The following NEO1 variants were observed in gnomAD, a reference collection of about 807,000 sequenced individuals.
NEO1 encodes neogenin 1.
A neutral mutation model predicts 159.7 loss-of-function variants in NEO1; 63 were observed. That is an observed-to-expected ratio of 0.39 (90% CI 0.32 to 0.49). NEO1 has a LOEUF of 0.49. NEO1 is among the 20% of genes least tolerant of loss of function. The pLI is 0.85. For synonymous variants in NEO1, 633 were observed against 662.0 expected, an observed-to-expected ratio of 0.96 and a Z score of 0.67; for missense variants, 1,615 against 1,831.0, an observed-to-expected ratio of 0.88 and a Z score of 2.15.
chr15:73,283,176 T>C (rs538279113), intron 23 of NEO1, 65 bp downstream of exon 23: 1 of 1,550,810 alleles, frequency 6.4e-7, no homozygotes, highest in East Asian at 2.2e-5. Flanking sequence ...ATGTGACTTC[T>C]GTATATGGAG....
At chr15:73,153,583 T>C (rs2033548653) in intron 5 of NEO1, among the ~76,000 whole-genome samples, 1 of 152,208 alleles carries the variant, frequency 6.6e-6, no homozygotes, top group African/African-American at 2.4e-5. Context: ...TGTAAGCAAG[T>C]TATATTGGCG....
At chr15:73,202,161 C>G (rs2036937422) in intron 7 of NEO1, among the ~76,000 whole-genome samples, 1 of 151,782 alleles carries the variant, frequency 6.6e-6, no homozygotes, top group Non-Finnish European at 1.5e-5. Context: ...CAGGGTTTCT[C>G]CATGTTGGTC....
intron 7 of NEO1, among the ~76,000 whole-genome samples, chr15:73,180,682 C>T (rs2035554700): frequency 1.3e-5 from 2 of 152,086 alleles, no homozygotes; most frequent in South Asian, 4.2e-4. Flanking sequence ...TAAACTAATC[C>T]TAATTGGGCT....
chr15:73,267,797 A>G (rs1461812385), intron 16 of NEO1, among the ~76,000 whole-genome samples: 2 of 152,116 alleles, frequency 1.3e-5, no homozygotes, highest in Non-Finnish European at 2.9e-5. Flanking sequence ...ATTATTGGAC[A>G]TTTGGGTTGG....
rs756634630 is a variant in NEO1 at position 73,122,689 on chromosome 15, A to G, written c.613A>G (p.Met205Val). 16 of 1,614,212 alleles carry G rather than the reference A, an allele frequency of 9.9e-6. No individual in the cohort carries two copies. In the South Asian group the frequency reaches 1.6e-4, roughly 17 times the overall value. ...DDRVIKLPSG[M>V]LVISNATEGD... Reference sequence around the variant, plus strand: ...TAGAGTTATCAAACTTCCAAGTGGAATGCTGGTTATCAGCAATGCAACTGA... The same window carrying G: ...TAGAGTTATCAAACTTCCAAGTGGAGTGCTGGTTATCAGCAATGCAACTGA... Residue 205 changes from methionine to valine, a missense_variant, in exon 3 of 29, where the codon ATG becomes GTG. Met to Val is a conservative substitution (Grantham distance 21, BLOSUM62 1). Around this residue, in one of 3 missense-constraint regions of NEO1, gnomAD observed 1,018 missense variants for 1,115.4 expected, o/e 0.91. Transcript: ENST00000261908.
At chr15:73,122,098 CATT>C (rs149069545) in intron 2 of NEO1, among the ~76,000 whole-genome samples, 13,747 of 113,520 alleles carry the variant, frequency 0.12, 759 homozygotes, top group South Asian at 0.14. Context: ...TATATATACA[CATT>C]ATATATATTA....
At chr15:73,211,525 GC>G (rs1441423583) in intron 7 of NEO1, among the ~76,000 whole-genome samples, 1 of 152,154 alleles carries the variant, frequency 6.6e-6, no homozygotes, top group African/African-American at 2.4e-5. Context: ...GACCATCCTG[GC>G]CAACATGGTG....
chr15:73,253,545 A>G, intron 12 of NEO1, 96 bp downstream of exon 12: 1 of 766,616 alleles, frequency 1.3e-6, no homozygotes, highest in Non-Finnish European at 2.1e-6. Context: ...AAGCATCAAA[A>G]TAAATGAATG....
At chr15:73,273,474 C>T (rs1375657521) in intron 19 of NEO1, among the ~76,000 whole-genome samples, 2 of 152,134 alleles carry the variant, frequency 1.3e-5, no homozygotes, top group African/African-American at 2.4e-5. Flanking sequence ...CCGGCAACAG[C>T]GCAGTGCCCT....
chr15:73,124,249 A>C (rs28572029), intron 3 of NEO1, among the ~76,000 whole-genome samples: 19,973 of 122,920 alleles, frequency 0.16, 2,023 homozygotes, highest in African/African-American at 0.3. Context: ...TTTTTTTTAG[A>C]GATGGATTTT....
chr15:73,132,488 T>TC (rs1328380236), intron 4 of NEO1, among the ~76,000 whole-genome samples: 1 of 152,142 alleles, frequency 6.6e-6, no homozygotes, highest in Non-Finnish European at 1.5e-5. Context: ...GGCAAAGACT[T>TC]CATGACCCTG....
intron 7 of NEO1, among the ~76,000 whole-genome samples, chr15:73,191,609 C>T (rs1040495890): frequency 2.0e-5 from 3 of 151,170 alleles, no homozygotes; most frequent in Non-Finnish European, 3.0e-5. Context: ...AAAAGCTTAA[C>T]TTTATGAAGC....
intron 5 of NEO1, among the ~76,000 whole-genome samples, chr15:73,171,587 C>T (rs2034966564): frequency 1.3e-5 from 2 of 150,492 alleles, no homozygotes; most frequent in Non-Finnish European, 3.0e-5. Context: ...TGAATACCGA[C>T]TGGGTAATAG....
intron 7 of NEO1, among the ~76,000 whole-genome samples, chr15:73,179,863 G>GTATA (rs200048014): frequency 0.017 from 2,463 of 147,878 alleles, 23 homozygotes; most frequent in African/African-American, 0.031. Context: ...TAAATAATAT[G>GTATA]TATATATATA....
chr15:73,158,208 C>CTTTTTTTTTTTTTTT (rs1047852394), intron 5 of NEO1, among the ~76,000 whole-genome samples: 2 of 82,552 alleles, frequency 2.4e-5, no homozygotes, highest in African/African-American at 4.5e-5. Context: ...GAGTGAGACT[C>CTTTTTTTTTTTTTTT]TTTTTTTTTT....
intron 23 of NEO1, among the ~76,000 whole-genome samples, chr15:73,283,656 C>T (rs1394922433): frequency 6.6e-6 from 1 of 152,178 alleles, no homozygotes; most frequent in East Asian, 1.9e-4. Context: ...TTAGCTCAAC[C>T]TCTGGGGTCA....
intron 5 of NEO1, among the ~76,000 whole-genome samples, chr15:73,140,087 C>T (rs147442309): frequency 6.6e-6 from 1 of 152,114 alleles, no homozygotes; most frequent in South Asian, 2.1e-4. Flanking sequence ...CAGAGAAATG[C>T]AAATAAAAAC....
rs2037165090 is a variant in NEO1, at chr15:73,205,590, AATAGTCC to A, written c.1291+27165_1291+27171del. 2.0e-5 allele frequency among the ~76,000 whole-genome samples: 3 copies of A among 152,104 alleles called. No individual in the cohort carries two copies. The South Asian group carries it at 6.2e-4, about 32-fold the overall frequency. ...GCCCCCAGGATTTTTTCATTCTCAC[AATAGTCC>A]ACACTCAACCTCTAGCAATTTGTAA... On this transcript the variant is annotated intron_variant, in intron 7 of 28. Coordinates refer to ENST00000261908, the MANE Select transcript of NEO1 (RefSeq NM_002499.4).
intron 28 of NEO1, chr15:73,301,664 A>G (rs1195261333): frequency 4.9e-6 from 3 of 610,584 alleles, no homozygotes; most frequent in Admixed American, 6.1e-5. Flanking sequence ...TTTCTTTCCC[A>G]TATCCACTCT....
Sources: allele counts gnomAD v4.1 joint callset (sites outside exome capture counted in the v4.1 genomes callset), GRCh38; gene constraint gnomAD v4.1.1; regional missense constraint gnomAD v4.1.1; transcripts MANE v1.5; gene names NCBI Gene and HGNC (gene_info 2026-07-23, HGNC 2026-07-21).